Variants in NPAS3 observed in about 807,000 individuals in gnomAD.
NPAS3 encodes neuronal PAS domain protein 3, also known as neuronal PAS domain-containing protein 3.
A neutral mutation model predicts 73.1 loss-of-function variants in NPAS3; 14 were observed. The observed-to-expected ratio is 0.19, with a 90% CI of 0.13 to 0.30. The LOEUF (loss-of-function observed/expected upper bound fraction) is 0.30, where lower values mean the gene tolerates loss of function less well. Ranked by LOEUF, NPAS3 falls within the 10% of genes least tolerant of loss-of-function variation. NPAS3 has a pLI of 1.00. For synonymous variants in NPAS3, 620 were observed against 541.5 expected, an observed-to-expected ratio of 1.14 and a Z score of -2.01; for missense variants, 1,096 against 1,250.0, an observed-to-expected ratio of 0.88 and a Z score of 1.86.
chr14:33,110,785 G>C (rs927759), intron 2 of NPAS3, among the ~76,000 whole-genome samples: 1 of 152,050 alleles, frequency 6.6e-6, no homozygotes, highest in African/African-American at 2.4e-5. Flanking sequence ...GTCCGGGGAC[G>C]GGAACCACAA....
At chr14:33,257,269 C>G (rs2048814062) in intron 3 of NPAS3, among the ~76,000 whole-genome samples, 1 of 152,162 alleles carries the variant, frequency 6.6e-6, no homozygotes, top group African/African-American at 2.4e-5. Flanking sequence ...CAACGCTTAC[C>G]TCTTTTCCTC....
chr14:33,269,676 C>T (rs904918463), intron 3 of NPAS3, among the ~76,000 whole-genome samples: 2 of 152,104 alleles, frequency 1.3e-5, no homozygotes, highest in African/African-American at 2.4e-5. Flanking sequence ...TTCCAGCTCA[C>T]GAGCATGACT....
chr14:33,196,423 C>G (rs1430351576), intron 2 of NPAS3, among the ~76,000 whole-genome samples: 2 of 152,192 alleles, frequency 1.3e-5, no homozygotes, highest in South Asian at 4.1e-4. Context: ...GAAGCAAACT[C>G]TACTTTTCAA....
chr14:33,628,067 A>G (rs1000274597), intron 5 of NPAS3, among the ~76,000 whole-genome samples: 2 of 152,258 alleles, frequency 1.3e-5, no homozygotes, highest in Non-Finnish European at 2.9e-5. Flanking sequence ...TAAAGCCTGC[A>G]TCACAGAATT....
chr14:33,135,251 A>G (rs2043789810), intron 2 of NPAS3, among the ~76,000 whole-genome samples: 1 of 152,196 alleles, frequency 6.6e-6, no homozygotes, highest in Non-Finnish European at 1.5e-5. Flanking sequence ...TTACTCGTAA[A>G]TTCGGACAAA....
At chr14:33,677,276 A>C (rs907239661) in intron 6 of NPAS3, among the ~76,000 whole-genome samples, 16 of 152,148 alleles carry the variant, frequency 1.1e-4, no homozygotes, top group African/African-American at 3.4e-4. Context: ...TTTTTAGAGG[A>C]GATATTTCAT....
chr14:32,941,379 T>C (rs955584501), intron 1 of NPAS3, among the ~76,000 whole-genome samples: 12 of 142,424 alleles, frequency 8.4e-5, no homozygotes, highest in Admixed American at 7.1e-4. Flanking sequence ...AATAAATATG[T>C]TTACTGGGAT....
upstream of NPAS3, chr14:32,934,944 C>G (rs779032541): frequency 4.6e-4 from 566 of 1,231,514 alleles, 1 homozygote; most frequent in Admixed American, 8.6e-4. This position sits in a 1 kb window ranked among gnomAD's most constrained non-coding sequence, Gnocchi z 4.1. Context: ...TGGGGAGGGC[C>G]GGCGCCGCGG....
Position 32,941,508 on chromosome 14 carries a change from T to A in NPAS3, c.50+2142T>A, listed in dbSNP as rs368439738. Among the ~76,000 whole-genome samples, 3 of 151,322 alleles carry A rather than the reference T, an allele frequency of 2.0e-5. No individual in the cohort carries two copies. The South Asian group carries it at 6.3e-4, about 32-fold the overall frequency. On this transcript the variant is annotated intron_variant, in intron 1 of 11. Coordinates refer to ENST00000356141, the Ensembl canonical transcript of NPAS3. ...GGAAACTTCATAGCCTGTGCATGAG[T>A]GCGTTCTTTATCACCTGTCTCCATT...
intron 4 of NPAS3, among the ~76,000 whole-genome samples, chr14:33,447,760 A>G (rs1445483418): frequency 1.3e-5 from 2 of 152,118 alleles, no homozygotes; most frequent in African/African-American, 4.8e-5. Flanking sequence ...CAAAATATAA[A>G]GAAAATTAGC....
intron 6 of NPAS3, among the ~76,000 whole-genome samples, chr14:33,698,767 C>A (rs768347260): frequency 1.3e-5 from 2 of 152,176 alleles, no homozygotes; most frequent in African/African-American, 2.4e-5. Flanking sequence ...TTATAAGAAT[C>A]TCCATTGTAA....
At chr14:33,774,391 A>G in exon 8 of NPAS3, 1 of 1,614,020 alleles carries the variant, frequency 6.2e-7, no homozygotes, top group Non-Finnish European at 8.5e-7. Context: ...CCACGGGAGG[A>G]CCGTCCCCAG....
intron 6 of NPAS3, among the ~76,000 whole-genome samples, chr14:33,723,233 C>T (rs1312396072): frequency 6.6e-6 from 1 of 152,104 alleles, no homozygotes; most frequent in African/African-American, 2.4e-5. Flanking sequence ...GGCCAATCTT[C>T]TAAACTCTTC....
chr14:33,006,572 A>T (rs1007925657), intron 1 of NPAS3, among the ~76,000 whole-genome samples: 2 of 152,278 alleles, frequency 1.3e-5, no homozygotes, highest in East Asian at 3.9e-4. Context: ...AAACACATCT[A>T]AAAAGTTTAG....
At chr14:33,653,175 C>G (rs2059048441) in intron 5 of NPAS3, among the ~76,000 whole-genome samples, 2 of 152,210 alleles carry the variant, frequency 1.3e-5, no homozygotes, top group South Asian at 4.1e-4. Context: ...AATTTTTTAA[C>G]TAACTAGCTG....
chr14:33,554,020 ATTTG>A (rs1184212874), intron 4 of NPAS3, among the ~76,000 whole-genome samples: 2 of 152,214 alleles, frequency 1.3e-5, no homozygotes, highest in African/African-American at 2.4e-5. Flanking sequence ...TTTAAGAAAT[ATTTG>A]TTTCTTTCCA....
intron 2 of NPAS3, among the ~76,000 whole-genome samples, chr14:33,179,663 A>G (rs1382154245): frequency 6.6e-6 from 1 of 152,186 alleles, no homozygotes; most frequent in Non-Finnish European, 1.5e-5. Context: ...CAACACTGCA[A>G]AGGAGGAATA....
chr14:33,614,635 C>T (rs150353907), intron 5 of NPAS3, among the ~76,000 whole-genome samples: 1 of 152,288 alleles, frequency 6.6e-6, no homozygotes, highest in Non-Finnish European at 1.5e-5. Flanking sequence ...TATACCACAG[C>T]AGTTTAGAGC....
At chr14:33,193,149 AT>A (rs1477885530) in intron 2 of NPAS3, among the ~76,000 whole-genome samples, 3 of 149,456 alleles carry the variant, frequency 2.0e-5, no homozygotes, top group Non-Finnish European at 4.4e-5. Flanking sequence ...TTTTTATCCA[AT>A]TAAAGATTCA....
Sources: allele counts gnomAD v4.1 joint callset (sites outside exome capture counted in the v4.1 genomes callset), GRCh38; gene constraint gnomAD v4.1.1; non-coding constraint Gnocchi (gnomAD v3.1); transcripts MANE v1.5; gene names NCBI Gene and HGNC (gene_info 2026-07-23, HGNC 2026-07-21).